SCRIB: variants seen among roughly 807,000 people sequenced by gnomAD.
SCRIB encodes protein scribble homolog.
A neutral mutation model predicts 170.0 loss-of-function variants in SCRIB; 72 were observed. The ratio of observed to expected loss-of-function variants is 0.42; its 90% CI spans 0.35 to 0.52. The LOEUF (loss-of-function observed/expected upper bound fraction) is 0.52. SCRIB is among the 20% of genes least tolerant of loss of function. The probability of loss-of-function intolerance (pLI) is 0.02; values close to 1 mark genes in which losing one functional copy is unlikely to be tolerated. For missense variants in SCRIB, 2,475 were observed against 2,338.5 expected (o/e 1.06, Z -1.20); for synonymous variants, 1,298 against 1,044.3 (o/e 1.24, Z -4.68).
intron 24 of SCRIB, among the ~76,000 whole-genome samples, chr8:143,800,098 C>T (rs1815113420): frequency 1.4e-5 from 2 of 147,438 alleles, no homozygotes; most frequent in South Asian, 2.2e-4. Context: ...CCGGCCTGGC[C>T]GTGCCACGTC....
chr8:143,809,508 C>A, intron 14 of SCRIB, 43 bp downstream of exon 14: 1 of 1,581,918 alleles, frequency 6.3e-7, no homozygotes, highest in South Asian at 1.1e-5. Context: ...GCAGCCCCCA[C>A]CCAGCAGGCC....
In SCRIB at chr8:143,803,758, C is replaced by T. The variant is rs782755621; in HGVS notation, c.3303G>A (p.Leu1101=). Residue 1101 remains leucine, a synonymous_variant, in exon 23 of 37, where the codon CTG becomes CTA. Coordinates refer to ENST00000356994, the MANE Select transcript of SCRIB (RefSeq NM_182706.5). The stretch of plus-strand genomic sequence containing the variant: ...TCTCCCCAGGTGCCTTCTGGATGCA[C>T]AGTTCCCGTAGGCCCGGGGGTGCCG... ...RDPAPPGLRE[L]CIQKAPGERL... 5.0e-6 allele frequency: 8 copies of T among 1,601,336 alleles called. No individual in the cohort carries two copies. In the East Asian group the frequency reaches 1.6e-4, roughly 31 times the overall value.
At chr8:143,797,299 T>C (rs1814984019) in intron 24 of SCRIB, among the ~76,000 whole-genome samples, 1 of 152,224 alleles carries the variant, frequency 6.6e-6, no homozygotes, top group African/African-American at 2.4e-5. Context: ...GAAGCTCACT[T>C]GTTAATGAAA....
In SCRIB at chr8:143,810,778, T is replaced by A; in HGVS notation, c.1312A>T (p.Ser438Cys). The A allele has an allele frequency of 6.2e-7, 1 of 1,604,616 alleles. No homozygotes were observed. The highest frequency in any genetic ancestry group is 8.5e-7 in the Non-Finnish European group (1 of 1,177,842). The change falls in exon 12 of 37, where the codon AGC (serine) becomes TGC (cysteine). Residue 438 changes from serine to cysteine, a missense_variant. By Grantham distance (112) the Ser-to-Cys change is moderately radical. This residue lies in a region of SCRIB where 1,966 missense variants were observed against 1,742.9 expected (regional missense o/e 1.13). Transcript: ENST00000356994. ...CTGACGCGGCTCGGCGGGGCATCGC[T>A]CCAGGTCTCCGAGAGGCTCCCCTGC... The part of the protein sequence containing the change: ...GQQGSLSETW[S>C]DAPPSRVSVI...
chr8:143,800,388 T>C (rs1815125877), intron 24 of SCRIB, among the ~76,000 whole-genome samples: 1 of 152,104 alleles, frequency 6.6e-6, no homozygotes, highest in Non-Finnish European at 1.5e-5. Flanking sequence ...CCCTCAGAGC[T>C]GAGCACAAGA....
chr8:143,810,551 C>T lies in SCRIB; in HGVS notation c.1458G>A (p.Arg486=), dbSNP rs1815661085. 1.9e-6 allele frequency: 3 copies of T among 1,613,634 alleles called. No individual in the cohort carries two copies. Among genetic ancestry groups the T allele is most frequent in the Non-Finnish European group, 2.5e-6 (3 of 1,179,980 alleles). ...CCTCGCTCCGCCGCCCCTCGATGCTCCTCTTCATCACCTTGAGCTCGCTGG... is the reference window on the plus strand; with the variant it reads ...CCTCGCTCCGCCGCCCCTCGATGCTTCTCTTCATCACCTTGAGCTCGCTGG... ...PHPSELKVMK[R]SIEGRRSEAC... Residue 486 remains arginine (R), a synonymous_variant, in exon 13 of 37, where the codon AGG becomes AGA. Coordinates refer to ENST00000356994, the MANE Select transcript of SCRIB (RefSeq NM_182706.5).
rs988763427 is a variant in SCRIB, at chr8:143,815,664, G to T, written c.-292C>A. On this transcript the variant is annotated 5_prime_UTR_variant, in exon 1 of 37. Coordinates refer to ENST00000356994, the MANE Select transcript of SCRIB (RefSeq NM_182706.5). ...CATCCCGCTTGGTCCTGCTCAGCTC[G>T]TCCCGCCCGCTCGTCCGCCCGCTGT... is the stretch of plus-strand genomic sequence containing the variant. 96 of 983,102 alleles carry T rather than the reference G, an allele frequency of 9.8e-5. No individual in the cohort carries two copies. Among genetic ancestry groups the T allele is most frequent in the Non-Finnish European group, 1.1e-4 (93 of 828,964 alleles). The allele number at this position is 983,102 out of a possible 1,614,324, so 60.9% of individuals were successfully genotyped here.
At position 143,791,096 on chromosome 8, in the gene SCRIB, T is replaced by C; in HGVS notation, c.*67A>G. ...AATGCTAACACCCAGGTTAAAAGACTTGGGGCAAGGGTGGTGCTGGAGCTG... is the reference window on the plus strand; with the variant it reads ...AATGCTAACACCCAGGTTAAAAGACCTGGGGCAAGGGTGGTGCTGGAGCTG... On this transcript the variant is annotated 3_prime_UTR_variant, in exon 37 of 37. Coordinates refer to ENST00000356994, the MANE Select transcript of SCRIB (RefSeq NM_182706.5). 8 of 1,357,284 alleles carry C rather than the reference T, an allele frequency of 5.9e-6. No homozygotes were observed. Among genetic ancestry groups the C allele is most frequent in the South Asian group, 4.1e-5 (2 of 48,410 alleles). 84.1% of individuals were successfully genotyped at this position (1,357,284 alleles called of 1,614,324 possible).
intron 26 of SCRIB, 75 bp from the exon 27 acceptor site, chr8:143,795,187 G>C: frequency 6.3e-7 from 1 of 1,596,894 alleles, no homozygotes; most frequent in Non-Finnish European, 8.6e-7. Context: ...GCAGGAGAGG[G>C]GGTCCTGGGG....
At chr8:143,803,241 G>T (rs571994462) in intron 24 of SCRIB, 142 bp downstream of exon 24, 9 of 788,818 alleles carry the variant, frequency 1.1e-5, no homozygotes, top group Non-Finnish European at 1.5e-5. Context: ...TCCCCAGCCC[G>T]CACGGCTGAT....
intron 14 of SCRIB, 91 bp downstream of exon 14, chr8:143,809,460 G>A (rs1815602164): frequency 7.0e-7 from 1 of 1,423,560 alleles, no homozygotes; most frequent in Non-Finnish European, 9.6e-7. Flanking sequence ...GGCACTGCCT[G>A]CACCAAAACC....
In SCRIB at chr8:143,814,094, G is replaced by A; in HGVS notation, c.184C>T (p.Arg62Cys). Reference protein sequence around the residue: ...PKPFFRLLNLRKLGLSDNEIQ... With the variant: ...PKPFFRLLNLCKLGLSDNEIQ... Reference sequence around the variant, plus strand: ...TCGTTGTCGCTCAGGCCCAGCTTGCGCAAGTTCAGCAGCCGGAAAAAAGGC... The same window carrying A: ...TCGTTGTCGCTCAGGCCCAGCTTGCACAAGTTCAGCAGCCGGAAAAAAGGC... The change falls in exon 2 of 37, where the codon CGC (arginine) becomes TGC (cysteine). Residue 62 changes from arginine (R) to cysteine (C), a missense_variant. By Grantham distance (180) the Arg-to-Cys change is radical. Coordinates refer to ENST00000356994, the MANE Select transcript of SCRIB (RefSeq NM_182706.5). 2 of 1,553,962 alleles carry A rather than the reference G, an allele frequency of 1.3e-6. No individual in the cohort carries two copies. Among genetic ancestry groups the A allele is most frequent in the Non-Finnish European group, 1.7e-6 (2 of 1,148,388 alleles).
In SCRIB at chr8:143,807,013, G is replaced by T. The variant is rs201856360; in HGVS notation, c.2179C>A (p.Leu727Met). 2.2e-5 allele frequency: 36 copies of T among 1,608,912 alleles called. No homozygotes were observed. The highest frequency in any genetic ancestry group is 3.0e-5 in the Non-Finnish European group (35 of 1,177,110). ...GTCTGCCGCAGGATAGTGAGGGTCAGCTGGAAACAGAACAGACAGGGTGTC... is the reference window on the plus strand; with the variant it reads ...GTCTGCCGCAGGATAGTGAGGGTCATCTGGAAACAGAACAGACAGGGTGTC... ...IEPARIEEEE[L>M]TLTILRQTGG... Residue 727 changes from leucine (L) to methionine (M), a missense_variant and splice_region_variant, in exon 17 of 37, where the codon CTG becomes ATG. Transcript: ENST00000356994.
At position 143,798,570 on chromosome 8, in the gene SCRIB, G is replaced by A. The variant is rs370077968; in HGVS notation, c.3604-3040C>T. 1.6e-4 allele frequency among the ~76,000 whole-genome samples: 24 copies of A among 152,144 alleles called. No individual in the cohort carries two copies. The East Asian group carries it at 2.3e-3, about 15-fold the overall frequency. On this transcript the variant is annotated intron_variant, in intron 24 of 36. Coordinates refer to ENST00000356994, the MANE Select transcript of SCRIB (RefSeq NM_182706.5). ...CTGTTTCAGCCTCCTGAATACCTGC[G>A]ACTACAGGCCATGTGCCACCACACT...
chr8:143,814,369 G>A (rs1815921994), intron 1 of SCRIB, among the ~76,000 whole-genome samples: 1 of 151,560 alleles, frequency 6.6e-6, no homozygotes, highest in Non-Finnish European at 1.5e-5. Flanking sequence ...ACCTGCTGGC[G>A]ACCAGACAAA....
chr8:143,805,851 C>T (rs1281886992), intron 18 of SCRIB, among the ~76,000 whole-genome samples: 1 of 152,342 alleles, frequency 6.6e-6, no homozygotes, highest in South Asian at 2.1e-4. Context: ...GAGAGCTGAG[C>T]AGCAGACGCA....
At position 143,792,540 on chromosome 8, in the gene SCRIB, C is replaced by T. The variant is rs534664498; in HGVS notation, c.4273G>A (p.Glu1425Lys). 3.2e-4 allele frequency: 497 copies of T among 1,558,196 alleles called. 10 individuals carry two copies. The South Asian group carries it at 5.5e-3, about 17-fold the overall frequency. The part of the protein sequence containing the change: ...RLALDGETLG[E>K]EEQEDEQPPW... Reference sequence around the variant, plus strand: ...GGCTGCTCATCCTCCTGTTCCTCCTCGCCCAGCGTCTCCCCGTCCAGGGCG... The same window carrying T: ...GGCTGCTCATCCTCCTGTTCCTCCTTGCCCAGCGTCTCCCCGTCCAGGGCG... Residue 1425 changes from glutamate to lysine, a missense_variant, in exon 31 of 37, where the codon GAG becomes AAG. By Grantham distance (56) the Glu-to-Lys change is moderately conservative. This residue lies in a region of SCRIB where 1,966 missense variants were observed against 1,742.9 expected (regional missense o/e 1.13). Coordinates refer to ENST00000356994, the MANE Select transcript of SCRIB (RefSeq NM_182706.5).
rs1554632885 is a variant in SCRIB at position 143,792,065 on chromosome 8, C to T, written c.4583G>A (p.Gly1528Asp). ...MVLSRSQEGR[G>D]TRGPLERLAE... is the part of the protein sequence containing the mutation. ...CAGTCGCTCCAGGGGCCCCCGCGTG[C>T]CCCGGCCTTCCTGGGACCTGCTGAG... The change falls in exon 33 of 37, where the codon GGC (glycine) becomes GAC (aspartate). Residue 1528 changes from glycine to aspartate, a missense_variant. Physicochemically the swap from Gly to Asp is moderately conservative, Grantham distance 94 (BLOSUM62 -1). Coordinates refer to ENST00000356994, the MANE Select transcript of SCRIB (RefSeq NM_182706.5). The T allele has an allele frequency of 1.3e-6, 2 of 1,592,422 alleles. No individual in the cohort carries two copies. Among genetic ancestry groups the T allele is most frequent in the African/African-American group, 1.3e-5 (1 of 74,570 alleles).
rs1410016610 is a variant in SCRIB, at chr8:143,810,500, C to A, written c.1509G>T (p.Gly503=). 1.2e-6 allele frequency: 2 copies of A among 1,610,984 alleles called. No individual in the cohort carries two copies. The stretch of plus-strand genomic sequence containing the variant: ...CCACCTCCTCTGCAGGCAAGGGCGA[C>A]CCAGAGTCTGGCTGGCAAGGGCAGG... ...SEACPCQPDS[G]SPLPAEEEKR... is the part of the protein sequence containing the mutation. Residue 503 remains glycine, a synonymous_variant, in exon 13 of 37, where the codon GGG becomes GGT. Coordinates refer to ENST00000356994, the MANE Select transcript of SCRIB (RefSeq NM_182706.5).
Sources: allele counts gnomAD v4.1 joint callset (sites outside exome capture counted in the v4.1 genomes callset), GRCh38; gene constraint gnomAD v4.1.1; regional missense constraint gnomAD v4.1.1; transcripts MANE v1.5; gene names NCBI Gene and HGNC (gene_info 2026-07-23, HGNC 2026-07-21).